Variants in TTC39A observed in about 807,000 individuals in gnomAD.
TTC39A encodes tetratricopeptide repeat protein 39A.
Under a neutral mutation model 82.3 loss-of-function variants are expected in TTC39A, and 46 were observed. The ratio of observed to expected loss-of-function variants is 0.56; its 90% CI spans 0.44 to 0.71. The LOEUF (loss-of-function observed/expected upper bound fraction) is 0.71. Ranked by LOEUF, TTC39A falls within the 30% of genes least tolerant of loss-of-function variation. TTC39A has a pLI of 0.00. For missense variants in TTC39A, 543 were observed against 712.9 expected (o/e 0.76, Z 2.71); for synonymous variants, 254 against 275.2 (o/e 0.92, Z 0.76).
intron 1 of TTC39A, 193 bp from the exon 2 acceptor site, chr1:51,322,018 TG>T: frequency 6.8e-7 from 1 of 1,464,536 alleles, no homozygotes; most frequent in Non-Finnish European, 9.2e-7. Context: ...TTCCCAAGGG[TG>T]GGAGGGGGAG....
intron 2 of TTC39A, among the ~76,000 whole-genome samples, chr1:51,314,336 G>A (rs566618352): frequency 1.1e-4 from 16 of 152,284 alleles, no homozygotes; most frequent in East Asian, 1.9e-4. Context: ...GGGTCCCTGC[G>A]AGACTGTGGG....
chr1:51,342,239 A>G (rs1356249279), intron 1 of TTC39A, among the ~76,000 whole-genome samples: 2 of 152,126 alleles, frequency 1.3e-5, no homozygotes, highest in African/African-American at 4.8e-5. Context: ...CAGCTACCCA[A>G]TCCTGGTGCC....
intron 14 of TTC39A, among the ~76,000 whole-genome samples, chr1:51,293,588 A>G (rs547723343): frequency 6.6e-6 from 1 of 152,212 alleles, no homozygotes; most frequent in East Asian, 1.9e-4. Context: ...TACTCAGTTA[A>G]TGAACAGTAC....
intron 1 of TTC39A, among the ~76,000 whole-genome samples, chr1:51,338,282 C>T (rs1645997892): frequency 6.6e-6 from 1 of 152,114 alleles, no homozygotes; most frequent in Non-Finnish European, 1.5e-5. Flanking sequence ...TAATCCAGGG[C>T]AACACTCTTC....
intron 1 of TTC39A, chr1:51,344,849 T>C: frequency 9.1e-7 from 1 of 1,096,756 alleles, no homozygotes; most frequent in Non-Finnish European, 1.2e-6. Flanking sequence ...CTCTCGGGCC[T>C]CCGGCCGACC....
chr1:51,305,650 C>A, intron 7 of TTC39A: 1 of 382,278 alleles, frequency 2.6e-6, no homozygotes, highest in Non-Finnish European at 4.8e-6. Context: ...GTTTAACCAG[C>A]AGCTCTCCAG....
At chr1:51,290,953 A>G (rs949362705) in intron 14 of TTC39A, among the ~76,000 whole-genome samples, 4 of 151,798 alleles carry the variant, frequency 2.6e-5, no homozygotes, top group Non-Finnish European at 5.9e-5. Flanking sequence ...CTTTCTCCCA[A>G]CCTCTCTGGG....
chr1:51,307,316 C>A (rs1206589595), intron 6 of TTC39A, among the ~76,000 whole-genome samples: 1 of 152,106 alleles, frequency 6.6e-6, no homozygotes, highest in East Asian at 1.9e-4. Flanking sequence ...TAGAAAAATT[C>A]TAGCATAGGC....
At chr1:51,331,498 T>C (rs1645910238), upstream of TTC39A, 1 of 985,326 alleles carries the variant, frequency 1.0e-6, no homozygotes, top group African/African-American at 1.7e-5. Context: ...GTAGCTCCCC[T>C]GGAGCAACTA....
In TTC39A at chr1:51,312,908, G is replaced by A; in HGVS notation, c.182C>T (p.Ala61Val). The change falls in exon 3 of 18, where the codon GCC becomes GTC. Residue 61 changes from alanine (A) to valine (V), a missense_variant. Physicochemically the swap from Ala to Val is moderately conservative, Grantham distance 64. Transcript: ENST00000680483. ...CATGGCCTGCATCTCCAGGATGGTG[G>A]CATATGTCAGTGAGTGGTACATGCT... ...KESMYHSLTY[A>V]TILEMQAMMT... 6 of 1,613,736 alleles carry A rather than the reference G, an allele frequency of 3.7e-6. No homozygotes were observed. The highest frequency in any genetic ancestry group is 5.1e-6 in the Non-Finnish European group (6 of 1,179,730).
chr1:51,302,687 G>T, intron 9 of TTC39A, 114 bp from the exon 10 acceptor site: 1 of 1,136,172 alleles, frequency 8.8e-7, no homozygotes, highest in South Asian at 1.3e-5. Flanking sequence ...CTGTGAAATC[G>T]AGATAATTCT....
intron 2 of TTC39A, among the ~76,000 whole-genome samples, chr1:51,320,795 C>T (rs988720269): frequency 2.7e-5 from 4 of 149,436 alleles, no homozygotes; most frequent in South Asian, 2.1e-4. Context: ...GATATAATGA[C>T]GAGAAAGATG....
intron 14 of TTC39A, among the ~76,000 whole-genome samples, chr1:51,291,250 G>A (rs113203880): frequency 0.021 from 3,151 of 152,184 alleles, 98 homozygotes; most frequent in African/African-American, 0.064. Flanking sequence ...CAGCACTTTG[G>A]GAGGCCGAGA....
chr1:51,288,047 G>A lies in TTC39A; in HGVS notation c.*110C>T, dbSNP rs762682848. ...CTATGTTGTGCCATCCAACTGGAGT[G>A]CCGGTGGACCCCAAAGGCAGGGCAG... is the stretch of plus-strand genomic sequence containing the variant. On this transcript the variant is annotated 3_prime_UTR_variant, in exon 18 of 18. Coordinates refer to ENST00000680483, the MANE Select transcript of TTC39A (RefSeq NM_001297663.2). The surrounding 1 kb of genome is among the most constrained non-coding windows in gnomAD (Gnocchi z 4.8). The A allele has an allele frequency of 1.4e-6, 2 of 1,477,056 alleles. No individual in the cohort carries two copies. The highest frequency in any genetic ancestry group is 1.8e-6 in the Non-Finnish European group (2 of 1,099,464). The allele number at this position is 1,477,056 out of a possible 1,614,324, so 91.5% of individuals were successfully genotyped here.
In TTC39A at chr1:51,305,174, T is replaced by C. The variant is rs769164683; in HGVS notation, c.589-28A>G. On this transcript the variant is annotated intron_variant, in intron 7 of 17. Coordinates refer to ENST00000680483, the MANE Select transcript of TTC39A (RefSeq NM_001297663.2). ...GCAAGAAAGGAGGCAATCAAGCCTGTGAAGGTACCCAGAGTGGGCAGGGGC... is the reference window on the plus strand; with the variant it reads ...GCAAGAAAGGAGGCAATCAAGCCTGCGAAGGTACCCAGAGTGGGCAGGGGC... 7 of 1,611,690 alleles carry C rather than the reference T, an allele frequency of 4.3e-6. No individual in the cohort carries two copies. The African/African-American group carries it at 9.3e-5, about 22-fold the overall frequency.
rs1381189161 is a variant in TTC39A at position 51,288,887 on chromosome 1, A to G, written c.1562T>C (p.Met521Thr). ...GGCCTCTTCGTTTCTGTCTTGCTCC[A>G]TAAGCAGCAGGGCCAGCTCCAGCAG... ...NALLELALLL[M>T]EQDRNEEAIK... Residue 521 changes from methionine (M) to threonine (T), a missense_variant, in exon 17 of 18, where the codon ATG (methionine) becomes ACG (threonine). Physicochemically the swap from Met to Thr is moderately conservative, Grantham distance 81. Transcript: ENST00000680483. The surrounding 1 kb of genome is among the most constrained non-coding windows in gnomAD (Gnocchi z 4.8). The G allele has an allele frequency of 6.2e-7, 1 of 1,612,620 alleles. No individual in the cohort carries two copies. The highest frequency in any genetic ancestry group is 1.7e-5 in the Admixed American group (1 of 59,856).
intron 1 of TTC39A, among the ~76,000 whole-genome samples, chr1:51,336,504 A>G (rs1267336560): frequency 3.3e-5 from 5 of 152,184 alleles, no homozygotes; most frequent in Admixed American, 1.3e-4. Flanking sequence ...GTAGGTCTAA[A>G]GAAGGAGCCT....
upstream of TTC39A, chr1:51,331,615 C>T (rs569394772): frequency 8.1e-6 from 8 of 985,404 alleles, 1 homozygote; most frequent in Admixed American, 4.9e-4. Flanking sequence ...GCAGTTTGGG[C>T]TTGGTGGTAG....
chr1:51,340,637 A>G (rs1646022955), intron 1 of TTC39A, among the ~76,000 whole-genome samples: 1 of 152,186 alleles, frequency 6.6e-6, no homozygotes, highest in South Asian at 2.1e-4. Context: ...CAGTCAGAGT[A>G]GTCTCCTGAG....
Sources: gnomAD v4.1 joint callset for allele counts (sites outside exome capture counted in the v4.1 genomes callset) on GRCh38, gnomAD v4.1.1 for gene constraint, Gnocchi (gnomAD v3.1) non-coding constraint, MANE v1.5 for transcripts, NCBI Gene and HGNC (gene_info 2026-07-23, HGNC 2026-07-21) for gene names.